VWC2: variants seen among roughly 807,000 people sequenced by gnomAD.
VWC2 encodes brorin.
Under a neutral mutation model 29.8 loss-of-function variants are expected in VWC2, and 14 were observed. The ratio of observed to expected loss-of-function variants is 0.47; its 90% CI spans 0.31 to 0.74. The LOEUF (loss-of-function observed/expected upper bound fraction) is 0.74. Ranked by LOEUF, VWC2 falls within the 30% of genes least tolerant of loss-of-function variation. The pLI is 0.05. For missense variants in VWC2, 457 were observed against 459.8 expected (o/e 0.99, Z 0.05); for synonymous variants, 213 against 199.0 (o/e 1.07, Z -0.59).
intron 2 of VWC2, among the ~76,000 whole-genome samples, chr7:49,788,786 G>A (rs945087452): frequency 6.7e-6 from 1 of 149,732 alleles, no homozygotes; most frequent in South Asian, 2.1e-4. Context: ...GTGTATGAGT[G>A]TGGGTGAGTG....
chr7:49,791,958 C>T (rs1788470007), intron 2 of VWC2, among the ~76,000 whole-genome samples: 1 of 152,164 alleles, frequency 6.6e-6, no homozygotes, highest in Non-Finnish European at 1.5e-5. Context: ...TGTGTCTGCT[C>T]TCTAGAAAAC....
intron 3 of VWC2, among the ~76,000 whole-genome samples, chr7:49,838,769 A>G (rs1789725747): frequency 6.6e-6 from 1 of 152,206 alleles, no homozygotes; most frequent in African/African-American, 2.4e-5. Flanking sequence ...TTTAACTTAT[A>G]TTAAATCATT....
intron 3 of VWC2, among the ~76,000 whole-genome samples, chr7:49,843,287 G>A (rs1016589424): frequency 6.6e-6 from 1 of 152,022 alleles, no homozygotes; most frequent in Admixed American, 6.6e-5. Flanking sequence ...TTTTCTCATG[G>A]GTGAGCCCCT....
chr7:49,888,009 G>A (rs565879995), intron 3 of VWC2, among the ~76,000 whole-genome samples: 16 of 152,308 alleles, frequency 1.1e-4, no homozygotes, highest in African/African-American at 3.4e-4. Context: ...TTGGTATCAT[G>A]TATTTGTCCT....
chr7:49,835,323 G>A (rs1399631194), intron 3 of VWC2, among the ~76,000 whole-genome samples: 1 of 152,182 alleles, frequency 6.6e-6, no homozygotes, highest in African/African-American at 2.4e-5. Context: ...ATTAAAGGGG[G>A]CTCACATTCC....
chr7:49,889,909 T>C (rs534645782), intron 3 of VWC2, among the ~76,000 whole-genome samples: 11 of 152,168 alleles, frequency 7.2e-5, no homozygotes, highest in South Asian at 2.1e-4. Context: ...CTGAAAAAGT[T>C]TGAGAGACAA....
chr7:49,835,293 T>C lies in VWC2; in HGVS notation c.826+32453T>C, dbSNP rs1789631302. On this transcript the variant is annotated intron_variant, in intron 3 of 3. Coordinates refer to ENST00000340652, the MANE Select transcript of VWC2 (RefSeq NM_198570.5). ...AGTTCAAGGAGGAATGAGAGGTGAC[T>C]GATGTAATTAGTCCTGATAATTAAA... Among the ~76,000 whole-genome samples the C allele has an allele frequency of 3.3e-5, 5 of 152,232 alleles. No homozygotes were observed. In the South Asian group the frequency reaches 1.0e-3, roughly 31 times the overall value.
chr7:49,808,622 A>G (rs1422071698), intron 3 of VWC2, among the ~76,000 whole-genome samples: 1 of 152,068 alleles, frequency 6.6e-6, no homozygotes, highest in Non-Finnish European at 1.5e-5. Context: ...CCCTATGCTA[A>G]GACATAAAAC....
chr7:49,804,055 T>C (rs925643954), intron 3 of VWC2, among the ~76,000 whole-genome samples: 2 of 151,482 alleles, frequency 1.3e-5, no homozygotes, highest in African/African-American at 4.9e-5. Context: ...TGTCACAGAG[T>C]GTACTTTATA....
intron 2 of VWC2, among the ~76,000 whole-genome samples, chr7:49,778,363 A>C (rs1314873581): frequency 6.6e-6 from 1 of 152,242 alleles, no homozygotes. Context: ...TCTTCAAATG[A>C]CGTTTCATTC....
intron 3 of VWC2, among the ~76,000 whole-genome samples, chr7:49,889,979 T>A (rs1792063619): frequency 6.6e-6 from 1 of 152,172 alleles, no homozygotes; most frequent in African/African-American, 2.4e-5. Context: ...TGATTAGAAT[T>A]GGGATCTAAT....
intron 3 of VWC2, among the ~76,000 whole-genome samples, chr7:49,859,788 GTGCACACACACA>G (rs1355977297): frequency 0.037 from 5,489 of 148,492 alleles, 314 homozygotes; most frequent in African/African-American, 0.13. Flanking sequence ...GTGCGCGTGC[GTGCACACACACA>G]CACACACACA....
chr7:49,783,921 A>G lies in VWC2; in HGVS notation c.696+7790A>G, dbSNP rs542471934. Among the ~76,000 whole-genome samples the G allele has an allele frequency of 5.3e-5, 8 of 152,102 alleles. No homozygotes were observed. In the South Asian group the frequency reaches 1.7e-3, roughly 32 times the overall value. The stretch of plus-strand genomic sequence containing the variant: ...TAATAATAAAATAAAATAAAGAAAA[A>G]AAAGAAAAGAAATTAAAATGCCAGG... On this transcript the variant is annotated intron_variant, in intron 2 of 3. Coordinates refer to ENST00000340652, the MANE Select transcript of VWC2 (RefSeq NM_198570.5).
At chr7:49,881,349 G>A (rs1583745322) in intron 3 of VWC2, among the ~76,000 whole-genome samples, 2 of 152,244 alleles carry the variant, frequency 1.3e-5, no homozygotes, top group African/African-American at 2.4e-5. Context: ...TGTGGAACTT[G>A]AGAAATTCAA....
Position 49,775,606 on chromosome 7 carries a change from G to C in VWC2, c.171G>C (p.Gly57=), listed in dbSNP as rs953029776. 23 of 1,533,394 alleles carry C rather than the reference G, an allele frequency of 1.5e-5. 1 individual carries two copies. The African/African-American group carries it at 2.0e-4, about 13-fold the overall frequency. The allele number at this position is 1,533,394 out of a possible 1,614,324, so 95.0% of individuals were successfully genotyped here. Residue 57 remains glycine (G), a synonymous_variant, in exon 2 of 4, where the codon GGG becomes GGC. Transcript: ENST00000340652. ...AGCACGCCTCTCGGGACGGCCCGGG[G>C]CGGGTGAACGAGCTCGGGCGCCCGG... ...KREHASRDGP[G]RVNELGRPAR... is the part of the protein sequence containing the mutation.
chr7:49,902,293 C>A lies in VWC2; in HGVS notation c.827-9741C>A, dbSNP rs868223269. On this transcript the variant is annotated intron_variant, in intron 3 of 3. Transcript: ENST00000340652. ...ACATTTGCAAAAGACATAAAAAAAA[C>A]TGTTGTCCTAAATATACAAACAATT... Among the ~76,000 whole-genome samples the A allele has an allele frequency of 6.6e-5, 10 of 152,002 alleles. 1 individual carries two copies. The highest frequency in any genetic ancestry group is 6.8e-3 in the Middle Eastern group (2 of 294).
chr7:49,847,160 A>G (rs1026305883), intron 3 of VWC2, among the ~76,000 whole-genome samples: 1 of 151,566 alleles, frequency 6.6e-6, no homozygotes, highest in Non-Finnish European at 1.5e-5. Context: ...CTGCCAGGAT[A>G]TAAGAATCCC....
chr7:49,829,244 G>C (rs1789471389), intron 3 of VWC2, among the ~76,000 whole-genome samples: 1 of 152,220 alleles, frequency 6.6e-6, no homozygotes, highest in African/African-American at 2.4e-5. Flanking sequence ...CTCTTTAGCA[G>C]TGCTTAGAAT....
chr7:49,870,213 A>T (rs1791086886), intron 3 of VWC2, among the ~76,000 whole-genome samples: 1 of 152,166 alleles, frequency 6.6e-6, no homozygotes, highest in African/African-American at 2.4e-5. Flanking sequence ...ATCCTGGCTA[A>T]GACAGTGAAA....
Sources: allele counts gnomAD v4.1 joint callset (sites outside exome capture counted in the v4.1 genomes callset), GRCh38; gene constraint gnomAD v4.1.1; transcripts MANE v1.5; gene names NCBI Gene and HGNC (gene_info 2026-07-23, HGNC 2026-07-21).